Variants in ADGRL2 observed in about 807,000 individuals in gnomAD.
ADGRL2 encodes the protein adhesion G protein-coupled receptor L2, also known as calcium-independent alpha-latrotoxin receptor 2.
In ADGRL2, 44 loss-of-function variants were observed where a neutral mutation model predicts 157.4. The observed-to-expected ratio is 0.28, with a 90% CI of 0.22 to 0.36. The LOEUF (loss-of-function observed/expected upper bound fraction) is 0.36. ADGRL2 is among the 10% of genes least tolerant of loss of function. The pLI is 1.00. For missense variants in ADGRL2, 1,510 were observed against 1,768.9 expected, an observed-to-expected ratio of 0.85 and a Z score of 2.63; for synonymous variants, 585 against 624.7, an observed-to-expected ratio of 0.94 and a Z score of 0.95.
chr1:81,505,436 C>T (rs1181400583), intron 2 of ADGRL2, among the ~76,000 whole-genome samples: 1 of 151,060 alleles, frequency 6.6e-6, no homozygotes, highest in Non-Finnish European at 1.5e-5. Context: ...GGAAAGCACA[C>T]TGTGTCTTTC....
intron 1 of ADGRL2, chr1:81,721,929 G>A: frequency 1.5e-6 from 1 of 679,968 alleles, no homozygotes; most frequent in Non-Finnish European, 2.7e-6. Flanking sequence ...TGAGGAAAGT[G>A]ATCTAGAAGT....
chr1:81,524,881 G>T (rs911876151), intron 2 of ADGRL2, among the ~76,000 whole-genome samples: 1 of 151,912 alleles, frequency 6.6e-6, no homozygotes, highest in South Asian at 2.1e-4. Flanking sequence ...TTCTAGCCTG[G>T]GCGACAGTGA....
chr1:81,372,305 A>T (rs1232177127), intron 1 of ADGRL2, among the ~76,000 whole-genome samples: 1 of 152,238 alleles, frequency 6.6e-6, no homozygotes, highest in Non-Finnish European at 1.5e-5. Context: ...GAATATTGGT[A>T]CATTTAGAGC....
intron 2 of ADGRL2, among the ~76,000 whole-genome samples, chr1:81,895,897 CA>C (rs906444155): frequency 1.3e-4 from 19 of 151,930 alleles, no homozygotes; most frequent in Non-Finnish European, 2.5e-4. Flanking sequence ...GCATCAGTGA[CA>C]AAAAAGGAGT....
chr1:81,311,491 C>T (rs1659752402), intron 1 of ADGRL2, among the ~76,000 whole-genome samples: 1 of 152,126 alleles, frequency 6.6e-6, no homozygotes, highest in South Asian at 2.1e-4. Context: ...CATATTTAAT[C>T]TGTGTCCTTC....
At position 81,802,855 on chromosome 1, in the gene ADGRL2, G is replaced by A. The variant is rs533314798; in HGVS notation, c.-101+1787G>A. On this transcript the variant is annotated intron_variant, in intron 1 of 23. Transcript: ENST00000686636. ...CTTCTCGTCAGTGGTTAGGTGGTGT[G>A]GGGAGGCGAGGATGACAGTAAAGCG... is the stretch of plus-strand genomic sequence containing the variant. 2.9e-4 allele frequency among the ~76,000 whole-genome samples: 44 copies of A among 152,266 alleles called. No homozygotes were observed. In the South Asian group the frequency reaches 3.1e-3, roughly 11 times the overall value.
chr1:81,864,840 G>T (rs1463291451), intron 2 of ADGRL2, among the ~76,000 whole-genome samples: 2 of 152,112 alleles, frequency 1.3e-5, no homozygotes, highest in African/African-American at 4.8e-5. Flanking sequence ...ACAAAAATTA[G>T]CTGGGTGTTG....
intron 1 of ADGRL2, among the ~76,000 whole-genome samples, chr1:81,828,848 G>A (rs1263208046): frequency 6.6e-6 from 1 of 151,408 alleles, no homozygotes; most frequent in Non-Finnish European, 1.5e-5. Flanking sequence ...GTCTGTTACT[G>A]TTTCTTAATA....
chr1:81,576,874 C>T (rs917477283), intron 2 of ADGRL2, among the ~76,000 whole-genome samples: 3 of 152,088 alleles, frequency 2.0e-5, no homozygotes, highest in African/African-American at 4.8e-5. Context: ...ACTTCCAGTA[C>T]TTTCTCACTA....
chr1:81,867,811 G>T (rs1246329044), intron 2 of ADGRL2, among the ~76,000 whole-genome samples: 1 of 152,056 alleles, frequency 6.6e-6, no homozygotes, highest in East Asian at 1.9e-4. Context: ...TTATCCATTT[G>T]TGAAGAACTT....
intron 2 of ADGRL2, among the ~76,000 whole-genome samples, chr1:81,870,877 C>A (rs954029160): frequency 2.7e-5 from 4 of 148,242 alleles, no homozygotes; most frequent in Non-Finnish European, 4.5e-5. Context: ...ACTTTGTACT[C>A]TTTACCTAAA....
intron 3 of ADGRL2, among the ~76,000 whole-genome samples, chr1:81,683,705 GTTTC>G (rs1359332674): frequency 5.9e-5 from 9 of 152,130 alleles, no homozygotes; most frequent in African/African-American, 1.9e-4. Flanking sequence ...ATATATCACA[GTTTC>G]TTTATCCATT....
intron 3 of ADGRL2, among the ~76,000 whole-genome samples, chr1:81,925,745 C>A (rs535363008): frequency 6.6e-6 from 1 of 151,882 alleles, no homozygotes; most frequent in East Asian, 1.9e-4. Flanking sequence ...GCATTTGTTG[C>A]CATGCTGTAA....
At chr1:81,867,269 C>T (rs1387427725) in intron 2 of ADGRL2, among the ~76,000 whole-genome samples, 2 of 152,142 alleles carry the variant, frequency 1.3e-5, no homozygotes, top group Non-Finnish European at 2.9e-5. Flanking sequence ...CCAAAAAAGC[C>T]TGTATATAAA....
chr1:81,443,802 C>A (rs1022259877), intron 1 of ADGRL2, among the ~76,000 whole-genome samples: 2 of 152,066 alleles, frequency 1.3e-5, no homozygotes, highest in African/African-American at 4.8e-5. Flanking sequence ...AATAGAAATG[C>A]TCAAAGCAGA....
chr1:81,767,634 G>T (rs1465674968), intron 2 of ADGRL2, among the ~76,000 whole-genome samples: 1 of 152,058 alleles, frequency 6.6e-6, no homozygotes, highest in East Asian at 1.9e-4. Context: ...CACTTTGGGA[G>T]GTCGAGGCAG....
intron 4 of ADGRL2, among the ~76,000 whole-genome samples, chr1:81,941,339 A>G (rs946134768): frequency 1.3e-5 from 2 of 151,544 alleles, no homozygotes; most frequent in Non-Finnish European, 3.0e-5. Context: ...CAAAATCACT[A>G]CTGGTGATGG....
chr1:81,471,749 C>T (rs1300283314), intron 2 of ADGRL2, among the ~76,000 whole-genome samples: 3 of 152,146 alleles, frequency 2.0e-5, no homozygotes, highest in African/African-American at 7.2e-5. Flanking sequence ...GTGGAAACAG[C>T]AACGAGGTCT....
intron 1 of ADGRL2, among the ~76,000 whole-genome samples, chr1:81,400,963 G>A (rs2076742528): frequency 6.6e-6 from 1 of 152,122 alleles, no homozygotes; most frequent in Admixed American, 6.5e-5. Flanking sequence ...GCCAAGAAAG[G>A]CAACATTTTC....
Sources: allele counts gnomAD v4.1 joint callset (sites outside exome capture counted in the v4.1 genomes callset), GRCh38; gene constraint gnomAD v4.1.1; transcripts MANE v1.5; gene names NCBI Gene and HGNC (gene_info 2026-07-23, HGNC 2026-07-21).